MTCL1: variants seen among roughly 807,000 people sequenced by gnomAD.
MTCL1 encodes the protein microtubule crosslinking factor 1.
Under a neutral mutation model 141.4 loss-of-function variants are expected in MTCL1, and 79 were observed. The observed-to-expected ratio is 0.56, with a 90% confidence interval of 0.47 to 0.67. The LOEUF (loss-of-function observed/expected upper bound fraction) is 0.67, where lower values mean the gene tolerates loss of function less well. Among genes scored for constraint, MTCL1 ranks in the 30% least tolerant of loss-of-function variants. The probability of loss-of-function intolerance (pLI) is 0.00; values close to 1 mark genes in which losing one functional copy is unlikely to be tolerated. For synonymous variants in MTCL1, 914 were observed against 875.8 expected, an observed-to-expected ratio of 1.04 and a Z score of -0.77; for missense variants, 2,177 against 2,113.9, an observed-to-expected ratio of 1.03 and a Z score of -0.59.
Position 8,818,949 on chromosome 18 carries a change from T to C in MTCL1, c.2860-14T>C. On this transcript the variant is annotated splice_polypyrimidine_tract_variant and intron_variant, in intron 12 of 16. Coordinates refer to ENST00000359865, the Ensembl canonical transcript of MTCL1. ...AAAGTGAGGCTAATTATTTTCATTT[T>C]TAAAATTCTCAAGTTGCAGAAAGAG... 6.3e-7 allele frequency: 1 copy of C among 1,595,436 alleles called. No homozygotes were observed. The highest frequency in any genetic ancestry group is 1.1e-5 in the South Asian group (1 of 89,414).
rs182818867 is a variant in MTCL1 at position 8,719,951 on chromosome 18, C to G, written c.199-387C>G. 1.6e-3 allele frequency: 269 copies of G among 169,470 alleles called. 1 individual carries two copies. Among genetic ancestry groups the G allele is most frequent in the Non-Finnish European group, 4.0e-4 (32 of 79,038 alleles). The allele number at this position is 169,470 out of a possible 1,614,324, so 10.5% of individuals were successfully genotyped here. On this transcript the variant is annotated intron_variant, in intron 3 of 16. Transcript: ENST00000359865. ...GAATTTCTCGCTTAAAGCACGTGAG[C>G]TTGGGCAGAATTGGCATGGTTGGTG...
chr18:8,786,172 C>G (rs531362614), intron 7 of MTCL1, 81 bp downstream of exon 6: 5 of 1,396,232 alleles, frequency 3.6e-6, no homozygotes, highest in Admixed American at 4.5e-5. Flanking sequence ...TTTTCTGTCC[C>G]GGACGAGGCC....
Position 8,823,023 on chromosome 18 carries a change from C to CA in MTCL1, c.3188+1538dup, listed in dbSNP as rs879595081. ...TGGGCGACAGAGTAAGACTCCGTCT[C>CA]AAAAAAAAAAAAAGATAGATAGATA... is the stretch of plus-strand genomic sequence containing the variant. On this transcript the variant is annotated intron_variant, in intron 14 of 16. Transcript: ENST00000359865. Among the ~76,000 whole-genome samples, 160 of 131,150 alleles carry CA rather than the reference C, an allele frequency of 1.2e-3. 1 individual carries two copies. Among genetic ancestry groups the CA allele is most frequent in the South Asian group, 3.4e-3 (14 of 4,102 alleles). 86.0% of individuals were successfully genotyped at this position (131,150 alleles called of 152,430 possible).
At chr18:8,761,033 T>C (rs1248859700) in intron 4 of MTCL1, among the ~76,000 whole-genome samples, 1 of 152,206 alleles carries the variant, frequency 6.6e-6, no homozygotes. Context: ...GTAAGGTCTT[T>C]GGAGAAAAAA....
intron 12 of MTCL1, among the ~76,000 whole-genome samples, chr18:8,814,241 G>T (rs1167321665): frequency 6.6e-6 from 1 of 152,296 alleles, no homozygotes; most frequent in East Asian, 1.9e-4. Context: ...GAAAGACCAA[G>T]AGGCTTTGGC....
At chr18:8,764,499 G>C (rs903618880) in intron 4 of MTCL1, among the ~76,000 whole-genome samples, 2 of 151,978 alleles carry the variant, frequency 1.3e-5, no homozygotes, top group Non-Finnish European at 2.9e-5. Context: ...TGTATTTTTA[G>C]TAGAGACAGG....
At chr18:8,722,110 C>G (rs1050504999) in intron 4 of MTCL1, among the ~76,000 whole-genome samples, 2 of 149,648 alleles carry the variant, frequency 1.3e-5, no homozygotes, top group Non-Finnish European at 3.0e-5. Context: ...AATTAAAGTA[C>G]CAGTTGCTGG....
intron 7 of MTCL1, among the ~76,000 whole-genome samples, chr18:8,791,550 G>A (rs2075726981): frequency 6.6e-6 from 1 of 151,696 alleles, no homozygotes; most frequent in Non-Finnish European, 1.5e-5. Context: ...TAAGACTGCA[G>A]GTAATAGAAT....
rs752984994 is a variant in MTCL1, at chr18:8,792,987, C to G, written c.1888-11C>G. 3 of 1,613,392 alleles carry G rather than the reference C, an allele frequency of 1.9e-6. No individual in the cohort carries two copies. The highest frequency in any genetic ancestry group is 2.5e-6 in the Non-Finnish European group (3 of 1,179,742). On this transcript the variant is annotated splice_polypyrimidine_tract_variant and intron_variant, in intron 7 of 16. Coordinates refer to ENST00000359865, the Ensembl canonical transcript of MTCL1. Reference sequence around the variant, plus strand: ...TTTCCACTAAACCCCTTCCTTTATCCCACCGATCAGCTCAGGGGCCCCCCC... The same window carrying G: ...TTTCCACTAAACCCCTTCCTTTATCGCACCGATCAGCTCAGGGGCCCCCCC...
In MTCL1 at chr18:8,777,902, G is replaced by A. The variant is rs200431407; in HGVS notation, c.417+10G>A. The stretch of plus-strand genomic sequence containing the variant: ...GAAAACCTTTAACCAGGTAAGCAGA[G>A]GTTTTCATTCTAATGTTACATCTCC... On this transcript the variant is annotated intron_variant, in intron 5 of 16. Coordinates refer to ENST00000359865, the Ensembl canonical transcript of MTCL1. 2.2e-4 allele frequency: 355 copies of A among 1,612,160 alleles called. 2 individuals carry two copies. Among genetic ancestry groups the A allele is most frequent in the Admixed American group, 2.0e-4 (12 of 59,848 alleles).
intron 4 of MTCL1, among the ~76,000 whole-genome samples, chr18:8,771,678 C>T (rs565712632): frequency 1.3e-5 from 2 of 152,274 alleles, no homozygotes; most frequent in Admixed American, 1.3e-4. Flanking sequence ...CATGAAAGTC[C>T]AAATAATTGC....
At chr18:8,749,684 C>A (rs1406372010) in intron 4 of MTCL1, among the ~76,000 whole-genome samples, 1 of 152,184 alleles carries the variant, frequency 6.6e-6, no homozygotes, top group Non-Finnish European at 1.5e-5. Context: ...CCTGTAAATA[C>A]CTGTAAGCAC....
exon 1 of MTCL1, chr18:8,706,203 C>T: frequency 8.2e-7 from 1 of 1,226,558 alleles, no homozygotes; most frequent in Non-Finnish European, 1.0e-6. Flanking sequence ...CCCCGGCCGC[C>T]CGGATCCCTG....
chr18:8,743,882 T>C (rs2096319305), intron 4 of MTCL1, among the ~76,000 whole-genome samples: 2 of 152,252 alleles, frequency 1.3e-5, no homozygotes, highest in African/African-American at 2.4e-5. Flanking sequence ...GGCATTATTC[T>C]GGCTACTATA....
At chr18:8,763,141 G>T (rs550388768) in intron 4 of MTCL1, among the ~76,000 whole-genome samples, 1 of 152,344 alleles carries the variant, frequency 6.6e-6, no homozygotes, top group Non-Finnish European at 1.5e-5. Flanking sequence ...TCTGGAGGAA[G>T]CAGGCCTGTG....
intron 7 of MTCL1, chr18:8,786,555 G>T: frequency 2.8e-6 from 1 of 360,902 alleles, no homozygotes; most frequent in South Asian, 2.1e-5. Context: ...CAGGTTGGTA[G>T]AATCAGGGAG....
exon 15 of MTCL1, chr18:8,825,513 C>T (rs763181044): frequency 1.1e-5 from 18 of 1,611,896 alleles, no homozygotes; most frequent in African/African-American, 6.7e-5. Context: ...TGAAGCCCTG[C>T]GTGGCAGCGG....
intron 4 of MTCL1, among the ~76,000 whole-genome samples, chr18:8,747,663 C>T (rs1450396849): frequency 6.6e-6 from 1 of 152,206 alleles, no homozygotes; most frequent in East Asian, 1.9e-4. Context: ...GCCATATTCC[C>T]CAGCACTGGG....
intron 4 of MTCL1, among the ~76,000 whole-genome samples, chr18:8,773,663 TG>T (rs1188262900): frequency 7.2e-5 from 11 of 152,172 alleles, no homozygotes; most frequent in African/African-American, 9.7e-5. Context: ...GTTCCTTGTA[TG>T]TTTTTTTGCA....
Sources: gnomAD v4.1 joint callset for allele counts (sites outside exome capture counted in the v4.1 genomes callset) on GRCh38, gnomAD v4.1.1 for gene constraint, MANE v1.5 for transcripts, NCBI Gene and HGNC (gene_info 2026-07-23, HGNC 2026-07-21) for gene names.